The following ASIC2 variants were observed in gnomAD, a reference collection of about 807,000 sequenced individuals.
ASIC2 encodes the protein acid sensing ion channel subunit 2, also known as acid-sensing ion channel 2.
ASIC2 carries 25 observed loss-of-function variants against 57.3 expected under a neutral mutation model. The ratio of observed to expected loss-of-function variants is 0.44; its 90% CI spans 0.32 to 0.61. The LOEUF (loss-of-function observed/expected upper bound fraction) is 0.61. Among genes scored for constraint, ASIC2 ranks in the 20% least tolerant of loss-of-function variants. ASIC2 has a pLI of 0.06. For synonymous variants in ASIC2, 319 were observed against 307.5 expected, an observed-to-expected ratio of 1.04 and a Z score of -0.39; for missense variants, 641 against 738.1, an observed-to-expected ratio of 0.87 and a Z score of 1.52.
chr17:33,696,401 G>A lies in ASIC2; in HGVS notation c.555+459577C>T, dbSNP rs1194166568. ...GGAGCAAAGAGACACATTTATTCATGTTCTTTCTAACAAGCTGGTGTTTGA... is the reference window on the plus strand; with the variant it reads ...GGAGCAAAGAGACACATTTATTCATATTCTTTCTAACAAGCTGGTGTTTGA... On this transcript the variant is annotated intron_variant, in intron 1 of 9. Coordinates refer to the ASIC2 transcript ENST00000359872. Among the ~76,000 whole-genome samples, 5 of 152,300 alleles carry A rather than the reference G, an allele frequency of 3.3e-5. No individual in the cohort carries two copies. The South Asian group carries it at 8.3e-4, about 25-fold the overall frequency.
At chr17:33,265,902 A>T (rs555441838) in intron 1 of ASIC2, among the ~76,000 whole-genome samples, 111 of 152,232 alleles carry the variant, frequency 7.3e-4, no homozygotes, top group African/African-American at 2.3e-3. Flanking sequence ...GTTTCTCATA[A>T]CATGGAAACT....
At chr17:33,288,439 T>A (rs1905281381) in intron 1 of ASIC2, among the ~76,000 whole-genome samples, 6 of 151,976 alleles carry the variant, frequency 3.9e-5, no homozygotes, top group Admixed American at 3.9e-4. Flanking sequence ...GTATATGGTA[T>A]GAGGGAGGGT....
chr17:33,963,129 T>A (rs1187315560), intron 1 of ASIC2, among the ~76,000 whole-genome samples: 1 of 152,106 alleles, frequency 6.6e-6, no homozygotes, highest in African/African-American at 2.4e-5. Context: ...TGCCCCAGGG[T>A]TGCACAGCTC....
At chr17:34,099,630 A>G (rs59687911) in intron 1 of ASIC2, among the ~76,000 whole-genome samples, 124,715 of 142,678 alleles carry the variant, frequency 0.87, 54,830 homozygotes, top group African/African-American at 0.93. Context: ...AAGAAAAAGA[A>G]AAAGAAAGAA....
intron 1 of ASIC2, among the ~76,000 whole-genome samples, chr17:33,302,062 C>T (rs927100296): frequency 2.6e-5 from 4 of 152,218 alleles, no homozygotes; most frequent in South Asian, 2.1e-4. Context: ...TTTCTAAGTT[C>T]GGGCCACCTT....
At chr17:33,242,988 G>T (rs558968669) in intron 1 of ASIC2, among the ~76,000 whole-genome samples, 1 of 152,318 alleles carries the variant, frequency 6.6e-6, no homozygotes, top group South Asian at 2.1e-4. Context: ...AGAAGCACAT[G>T]CCATTTCTGT....
intron 1 of ASIC2, among the ~76,000 whole-genome samples, chr17:33,733,157 C>G (rs1332581872): frequency 6.6e-6 from 1 of 152,186 alleles, no homozygotes; most frequent in African/African-American, 2.4e-5. Context: ...CTAACCCTGT[C>G]CCCTCACTTC....
At chr17:34,134,559 C>G (rs528371000) in intron 1 of ASIC2, among the ~76,000 whole-genome samples, 2 of 152,206 alleles carry the variant, frequency 1.3e-5, no homozygotes, top group Non-Finnish European at 2.9e-5. Context: ...GAAGCACCAG[C>G]AAAGCCCAGG....
intron 1 of ASIC2, among the ~76,000 whole-genome samples, chr17:34,150,023 G>GAT (rs1333375271): frequency 6.6e-6 from 1 of 152,128 alleles, no homozygotes; most frequent in Non-Finnish European, 1.5e-5. Context: ...AAAGATTTGT[G>GAT]ATATATATAC....
intron 1 of ASIC2, among the ~76,000 whole-genome samples, chr17:33,998,008 C>A (rs1265535906): frequency 1.3e-5 from 2 of 152,114 alleles, no homozygotes; most frequent in African/African-American, 4.8e-5. Flanking sequence ...ATCAGTGAAG[C>A]CATCAGGTCC....
At chr17:34,033,394 T>G (rs1907712284) in intron 1 of ASIC2, among the ~76,000 whole-genome samples, 1 of 151,976 alleles carries the variant, frequency 6.6e-6, no homozygotes, top group African/African-American at 2.4e-5. Context: ...TAGCACTAAA[T>G]GCCCACAAGA....
At chr17:33,696,917 A>G (rs548378665) in intron 1 of ASIC2, among the ~76,000 whole-genome samples, 8 of 152,316 alleles carry the variant, frequency 5.3e-5, no homozygotes, top group Admixed American at 1.3e-4. Flanking sequence ...TCATATTGAA[A>G]TGTAATCCCT....
At chr17:33,944,659 C>G (rs1916267426) in intron 1 of ASIC2, among the ~76,000 whole-genome samples, 1 of 152,192 alleles carries the variant, frequency 6.6e-6, no homozygotes, top group Non-Finnish European at 1.5e-5. Context: ...CAAAGTGAAA[C>G]ACTTCTGCCC....
chr17:33,952,571 T>G (rs943312018), intron 1 of ASIC2, among the ~76,000 whole-genome samples: 4 of 152,210 alleles, frequency 2.6e-5, no homozygotes, highest in South Asian at 2.1e-4. Flanking sequence ...GGGTCCTTGA[T>G]GATATCATCA....
chr17:33,784,885 A>G (rs1161789692), intron 1 of ASIC2, among the ~76,000 whole-genome samples: 2 of 152,164 alleles, frequency 1.3e-5, no homozygotes, highest in Non-Finnish European at 2.9e-5. Flanking sequence ...TTGGGGAACA[A>G]TTTTACCCGT....
chr17:33,813,980 T>C (rs916760411), intron 1 of ASIC2, among the ~76,000 whole-genome samples: 1 of 152,138 alleles, frequency 6.6e-6, no homozygotes, highest in Admixed American at 6.5e-5. Context: ...CTCCTTCCCT[T>C]TGGGCCCTCA....
intron 2 of ASIC2, among the ~76,000 whole-genome samples, chr17:33,093,986 T>A (rs115017793): frequency 0.018 from 2,728 of 152,140 alleles, 90 homozygotes; most frequent in African/African-American, 0.059. Context: ...GAACCCTAGC[T>A]CCCCAGATAG....
intron 3 of ASIC2, among the ~76,000 whole-genome samples, chr17:33,083,247 A>G (rs1452786655): frequency 1.3e-5 from 2 of 152,202 alleles, no homozygotes; most frequent in Admixed American, 1.3e-4. Context: ...TTGCTCTCAG[A>G]GGGCTCTGAG....
chr17:33,211,695 C>G (rs530791451), intron 1 of ASIC2, among the ~76,000 whole-genome samples: 1 of 152,170 alleles, frequency 6.6e-6, no homozygotes, highest in Admixed American at 6.5e-5. Flanking sequence ...AGTTTGCCTC[C>G]TCCATTACCA....
Sources: allele counts gnomAD v4.1 joint callset (sites outside exome capture counted in the v4.1 genomes callset), GRCh38; gene constraint gnomAD v4.1.1; transcripts MANE v1.5; gene names NCBI Gene and HGNC (gene_info 2026-07-23, HGNC 2026-07-21).